PSAT1: variants seen among roughly 807,000 people sequenced by gnomAD.
The protein encoded by PSAT1 is phosphoserine aminotransferase.
PSAT1 carries 41 observed loss-of-function variants against 40.3 expected under a neutral mutation model. The ratio of observed to expected loss-of-function variants is 1.02; its 90% confidence interval spans 0.79 to 1.32. PSAT1 has a LOEUF of 1.32. Among genes scored for constraint, PSAT1 ranks in the 40% most tolerant of loss-of-function variants. PSAT1 has a pLI of 0.00. For missense variants in PSAT1, 406 were observed against 455.8 expected (o/e 0.89, Z 0.99); for synonymous variants, 147 against 170.5 (o/e 0.86, Z 1.07).
intron 3 of PSAT1, among the ~76,000 whole-genome samples, chr9:78,302,756 A>G (rs1191514447): frequency 2.7e-5 from 4 of 149,918 alleles, no homozygotes; most frequent in Admixed American, 6.7e-5. Context: ...AAAAAAAAAA[A>G]AAAAATCAAG....
chr9:78,315,915 C>T (rs1176416840), intron 6 of PSAT1, among the ~76,000 whole-genome samples: 3 of 152,138 alleles, frequency 2.0e-5, no homozygotes, highest in Admixed American at 2.0e-4. Context: ...TGAGCATTGA[C>T]TCCCAGTAAA....
Position 78,328,106 on chromosome 9 carries a change from A to G in PSAT1, c.925A>G (p.Asn309Asp), listed in dbSNP as rs1304927717. The change falls in exon 8 of 9, where the codon AAT becomes GAT. Residue 309 changes from asparagine (N) to aspartate (D), a missense_variant. Asn to Asp is a conservative substitution (Grantham distance 23). Coordinates refer to ENST00000376588, the MANE Select transcript of PSAT1 (RefSeq NM_058179.4). ...GATGAATATTCCATTCCGCATTGGC[A>G]ATGCCAAAGGAGATGATGCTTTAGA... ...SKMNIPFRIGNAKGDDALEKR... is the reference protein window; with the variant it reads ...SKMNIPFRIGDAKGDDALEKR... 1 of 1,612,154 alleles carries G rather than the reference A, an allele frequency of 6.2e-7. No individual in the cohort carries two copies. Among genetic ancestry groups the G allele is most frequent in the East Asian group, 2.2e-5 (1 of 44,876 alleles).
rs116540010 is a variant in PSAT1, at chr9:78,323,358, C to A, written c.870-4693C>A. ...GGCCAAGGTGGGAGAATTGTTTGAC[C>A]CCAAGGAGTTTGAGACCAGCCTGGG... On this transcript the variant is annotated intron_variant, in intron 7 of 8. Coordinates refer to ENST00000376588, the MANE Select transcript of PSAT1 (RefSeq NM_058179.4). 3.2e-3 allele frequency among the ~76,000 whole-genome samples: 487 copies of A among 152,106 alleles called. 1 individual carries two copies. Among genetic ancestry groups the A allele is most frequent in the African/African-American group, 0.011 (471 of 41,476 alleles).
intron 1 of PSAT1, among the ~76,000 whole-genome samples, chr9:78,299,158 A>C (rs984252672): frequency 1.9e-4 from 29 of 150,246 alleles, no homozygotes; most frequent in African/African-American, 6.1e-4. Flanking sequence ...AAAAAAAAAA[A>C]AAAAAAAAAA....
At chr9:78,321,359 A>T (rs1323784470) in intron 7 of PSAT1, among the ~76,000 whole-genome samples, 1 of 152,206 alleles carries the variant, frequency 6.6e-6, no homozygotes, top group Non-Finnish European at 1.5e-5. Flanking sequence ...GGAGACTCCC[A>T]GGCTGTGCCT....
rs761574837 is a variant in PSAT1, at chr9:78,308,587, A to G, written c.740+4A>G. Reference sequence around the variant, plus strand: ...ACAACACGCCTCCATGTTTCAGGTAACTCTGGGAGTCAGTCTTGTGGACCC... The same window carrying G: ...ACAACACGCCTCCATGTTTCAGGTAGCTCTGGGAGTCAGTCTTGTGGACCC... On this transcript the variant is annotated splice_donor_region_variant and intron_variant, in intron 6 of 8. Coordinates refer to ENST00000376588, the MANE Select transcript of PSAT1 (RefSeq NM_058179.4). The G allele has an allele frequency of 1.9e-6, 3 of 1,613,898 alleles. No individual in the cohort carries two copies. The South Asian group carries it at 3.3e-5, about 18-fold the overall frequency.
chr9:78,309,608 C>T (rs546712378), intron 6 of PSAT1, among the ~76,000 whole-genome samples: 5 of 152,354 alleles, frequency 3.3e-5, no homozygotes, highest in South Asian at 4.1e-4. Context: ...GGTTATCCGC[C>T]GGCTTTGGCC....
chr9:78,310,672 G>A (rs751311706), intron 6 of PSAT1, among the ~76,000 whole-genome samples: 16 of 151,124 alleles, frequency 1.1e-4, no homozygotes, highest in Admixed American at 6.6e-4. Context: ...GTGCAGTGGC[G>A]TGATCTCAGC....
intron 1 of PSAT1, among the ~76,000 whole-genome samples, 200 bp downstream of exon 1, chr9:78,297,470 C>A (rs1210780243): frequency 6.6e-6 from 1 of 152,220 alleles, no homozygotes; most frequent in East Asian, 1.9e-4. Flanking sequence ...GGAAGCTCGG[C>A]GAGGCGTGCC....
intron 1 of PSAT1, among the ~76,000 whole-genome samples, chr9:78,300,334 A>G (rs1401397576): frequency 6.6e-6 from 1 of 152,190 alleles, no homozygotes. Context: ...TGAAGGGGAC[A>G]TTTTCTAGGG....
At chr9:78,326,593 A>G (rs1166327524) in intron 7 of PSAT1, among the ~76,000 whole-genome samples, 1 of 152,182 alleles carries the variant, frequency 6.6e-6, no homozygotes, top group Non-Finnish European at 1.5e-5. Context: ...AAAAAGATAG[A>G]TGTATTAACA....
chr9:78,316,714 C>T (rs1045164403), intron 6 of PSAT1, among the ~76,000 whole-genome samples: 4 of 152,126 alleles, frequency 2.6e-5, no homozygotes, highest in South Asian at 2.1e-4. Flanking sequence ...ATGGGAAAAC[C>T]GAGGTGACTA....
At chr9:78,318,187 TG>T (rs1828377333) in intron 7 of PSAT1, among the ~76,000 whole-genome samples, 1 of 152,354 alleles carries the variant, frequency 6.6e-6, no homozygotes, top group East Asian at 1.9e-4. Context: ...TAGCGATCTT[TG>T]GGACAAATAC....
At chr9:78,301,872 A>T in intron 2 of PSAT1, 82 bp from the exon 3 acceptor site, 2 of 1,079,996 alleles carry the variant, frequency 1.9e-6, no homozygotes, top group Non-Finnish European at 2.9e-6. Context: ...ATTGTTGTTT[A>T]CTTGCAAATT....
At chr9:78,319,147 C>G (rs1295753272) in intron 7 of PSAT1, among the ~76,000 whole-genome samples, 1 of 152,190 alleles carries the variant, frequency 6.6e-6, no homozygotes, top group African/African-American at 2.4e-5. Flanking sequence ...TCAGATAATT[C>G]AGTGGCCACA....
chr9:78,319,760 G>T lies in PSAT1; in HGVS notation c.869+1956G>T, dbSNP rs140497211. ...GAATTAGGCAGAGAAGAGGGCAGAAGTACTTTTAGAAAGGTTAGAATCATC... is the reference window on the plus strand; with the variant it reads ...GAATTAGGCAGAGAAGAGGGCAGAATTACTTTTAGAAAGGTTAGAATCATC... On this transcript the variant is annotated intron_variant, in intron 7 of 8. Coordinates refer to ENST00000376588, the MANE Select transcript of PSAT1 (RefSeq NM_058179.4). Among the ~76,000 whole-genome samples the T allele has an allele frequency of 2.0e-5, 3 of 152,316 alleles. No homozygotes were observed. The East Asian group carries it at 5.8e-4, about 29-fold the overall frequency.
chr9:78,326,949 A>T (rs1225475369), intron 7 of PSAT1, among the ~76,000 whole-genome samples: 2 of 85,534 alleles, frequency 2.3e-5, no homozygotes, highest in African/African-American at 1.6e-4. Flanking sequence ...ATATATATAT[A>T]TATATATTTT....
At chr9:78,324,916 C>T (rs1287095472) in intron 7 of PSAT1, among the ~76,000 whole-genome samples, 1 of 152,094 alleles carries the variant, frequency 6.6e-6, no homozygotes. Context: ...TCCTCGGTGC[C>T]GGCACCTTGG....
intron 8 of PSAT1, among the ~76,000 whole-genome samples, chr9:78,328,449 C>T (rs1828532218): frequency 6.6e-6 from 1 of 152,146 alleles, no homozygotes; most frequent in African/African-American, 2.4e-5. Flanking sequence ...TTACACTGCT[C>T]GTATAGCACA....
Sources: gnomAD v4.1 joint callset for allele counts (sites outside exome capture counted in the v4.1 genomes callset) on GRCh38, gnomAD v4.1.1 for gene constraint, MANE v1.5 for transcripts, NCBI Gene and HGNC (gene_info 2026-07-23, HGNC 2026-07-21) for gene names.